HMCN2: variants seen among roughly 807,000 people sequenced by gnomAD.
HMCN2 encodes hemicentin 2, also known as hemicentin-2.
HMCN2 carries 325 observed loss-of-function variants against 377.5 expected under a neutral mutation model. The ratio of observed to expected loss-of-function variants is 0.86; its 90% confidence interval spans 0.79 to 0.94. HMCN2 has a LOEUF of 0.94. HMCN2 is among the 40% of genes least tolerant of loss of function. The pLI, the probability that HMCN2 is intolerant of heterozygous loss-of-function variation, is 0.00. For synonymous variants in HMCN2, 2,007 were observed against 2,046.8 expected, an observed-to-expected ratio of 0.98 and a Z score of 0.53; for missense variants, 4,543 against 4,725.3, an observed-to-expected ratio of 0.96 and a Z score of 1.13.
rs1840003397 is a variant in HMCN2, at chr9:130,355,947, C to T, written c.5255+93C>T. On this transcript the variant is annotated intron_variant, in intron 33 of 97. Coordinates refer to ENST00000683500, the MANE Select transcript of HMCN2 (RefSeq NM_001291815.2). Reference sequence around the variant, plus strand: ...GGGAAGTGGACAGGAGAGAGGCTTCCTGTTTCCAGGAGTAGGAAAGAGGCC... The same window carrying T: ...GGGAAGTGGACAGGAGAGAGGCTTCTTGTTTCCAGGAGTAGGAAAGAGGCC... 1.1e-5 allele frequency: 10 copies of T among 949,508 alleles called. No individual in the cohort carries two copies. In the South Asian group the frequency reaches 1.4e-4, roughly 13 times the overall value. 58.8% of individuals were successfully genotyped at this position (949,508 alleles called of 1,614,324 possible). A position where few individuals can be genotyped will look rare whatever the true frequency, so the allele number is the denominator to read the frequency against.
At chr9:130,395,146 G>GGTCGC in intron 70 of HMCN2, 38 bp downstream of exon 70, 1 of 1,219,876 alleles carries the variant, frequency 8.2e-7, no homozygotes, top group Non-Finnish European at 1.1e-6. Context: ...GGGCCGGGAG[G>GGTCGC]CAGGACGGGC....
Position 130,320,896 on chromosome 9 carries a change from G to C in HMCN2, c.2768G>C (p.Gly923Ala), listed in dbSNP as rs1439171722. The change falls in exon 18 of 98, where the codon GGC (glycine) becomes GCC (alanine). Residue 923 changes from glycine to alanine, a missense_variant. Physicochemically the swap from Gly to Ala is moderately conservative, Grantham distance 60. Coordinates refer to ENST00000683500, the MANE Select transcript of HMCN2 (RefSeq NM_001291815.2). ...PLPERHWLKD[G>A]RPLPPGSRHS... ...CCGGAAAGGCACTGGCTCAAGGACG[G>C]CCGGCCCGTGAGTGTCGGGCTCCTC... The C allele has an allele frequency of 3.3e-5, 5 of 152,336 alleles. No homozygotes were observed. The highest frequency in any genetic ancestry group is 3.3e-4 in the Admixed American group (5 of 15,286). 9.4% of individuals were successfully genotyped at this position (152,336 alleles called of 1,614,324 possible).
chr9:130,428,226 G>A lies in HMCN2; in HGVS notation c.14066-132G>A, dbSNP rs1475639043. On this transcript the variant is annotated intron_variant, in intron 92 of 97. Coordinates refer to ENST00000683500, the MANE Select transcript of HMCN2 (RefSeq NM_001291815.2). The surrounding 1 kb of genome is among the most constrained non-coding windows in gnomAD (Gnocchi z 5.0). ...GACAATGGAAAGAGCTAGCAGAAGG[G>A]GTGGGGACCTTCCTGCCAGTGGCTC... 2 of 1,050,470 alleles carry A rather than the reference G, an allele frequency of 1.9e-6. No homozygotes were observed. Among genetic ancestry groups the A allele is most frequent in the African/African-American group, 3.2e-5 (2 of 62,300 alleles). 65.1% of individuals were successfully genotyped at this position (1,050,470 alleles called of 1,614,324 possible). A position where few individuals can be genotyped will look rare whatever the true frequency, so the allele number is the denominator to read the frequency against.
At chr9:130,353,863 G>A (rs574870230) in intron 31 of HMCN2, among the ~76,000 whole-genome samples, 91 of 152,286 alleles carry the variant, frequency 6.0e-4, no homozygotes, top group African/African-American at 2.1e-3. Flanking sequence ...CCCCGGTGAA[G>A]TGTGAGAGGG....
chr9:130,269,801 T>TTG (rs1834318750), intron 1 of HMCN2, among the ~76,000 whole-genome samples: 1 of 147,442 alleles, frequency 6.8e-6, no homozygotes, highest in African/African-American at 2.4e-5. Flanking sequence ...TGTTTTTTTT[T>TTG]TTGTTGTTGT....
intron 22 of HMCN2, among the ~76,000 whole-genome samples, chr9:130,332,579 C>T (rs1025079005): frequency 3.3e-5 from 5 of 152,214 alleles, no homozygotes; most frequent in African/African-American, 1.2e-4. Flanking sequence ...GGCTTACGCT[C>T]TCCGGGCTCG....
chr9:130,372,691 G>A lies in HMCN2; in HGVS notation c.7351+284G>A, dbSNP rs555460079. ...TCAGGAAGCAGAGGCTGCAGTGATC[G>A]TGCCACTGCACTCCAGCCCAGGTGA... On this transcript the variant is annotated intron_variant, in intron 47 of 97. Transcript: ENST00000683500. Among the ~76,000 whole-genome samples, 44 of 152,286 alleles carry A rather than the reference G, an allele frequency of 2.9e-4. 1 individual carries two copies. In the East Asian group the frequency reaches 8.1e-3, roughly 28 times the overall value.
chr9:130,321,236 T>G (rs1390557304), intron 18 of HMCN2, among the ~76,000 whole-genome samples: 1 of 152,170 alleles, frequency 6.6e-6, no homozygotes, highest in Non-Finnish European at 1.5e-5. Flanking sequence ...CCGGTTCTTA[T>G]GATTCCAGAG....
chr9:130,377,828 G>A (rs1246101460), intron 53 of HMCN2, 29 bp downstream of exon 53: 1 of 985,814 alleles, frequency 1.0e-6, no homozygotes, highest in African/African-American at 1.7e-5. Context: ...CCAGGGGTGG[G>A]GCGTCAGCCA....
chr9:130,323,827 T>C (rs1293095979), intron 19 of HMCN2, among the ~76,000 whole-genome samples: 3 of 152,070 alleles, frequency 2.0e-5, no homozygotes, highest in Non-Finnish European at 4.4e-5. Context: ...CTCAGCCTCC[T>C]GAGTAGCTGG....
intron 4 of HMCN2, among the ~76,000 whole-genome samples, chr9:130,292,148 C>T (rs916905564): frequency 8.5e-5 from 13 of 152,156 alleles, no homozygotes; most frequent in African/African-American, 3.1e-4. Context: ...TGTTGTATCA[C>T]ACCGGGAGGC....
At chr9:130,392,746 C>CT (rs1006678627) in intron 66 of HMCN2, among the ~76,000 whole-genome samples, 6 of 151,946 alleles carry the variant, frequency 3.9e-5, no homozygotes, top group African/African-American at 1.2e-4. Flanking sequence ...GCCTGTAATC[C>CT]AGCACTTTGG....
Position 130,398,594 on chromosome 9 carries a change from C to T in HMCN2, c.11370C>T (p.Thr3790=), listed in dbSNP as rs560460419. ...IAPSPSNLTL[T]AHTPALLPCE... is the part of the protein sequence containing the mutation. ...CCAGCCCCTCCAACCTGACCCTGAC[C>T]GCCCACACCCCAGCCTTGCTGCCCT... Residue 3790 remains threonine, a synonymous_variant, in exon 75 of 98, where the codon ACC becomes ACT. Coordinates refer to ENST00000683500, the MANE Select transcript of HMCN2 (RefSeq NM_001291815.2). 1.9e-5 allele frequency: 24 copies of T among 1,277,986 alleles called. No individual in the cohort carries two copies. The highest frequency in any genetic ancestry group is 1.4e-4 in the African/African-American group (9 of 65,808). 79.2% of individuals were successfully genotyped at this position (1,277,986 alleles called of 1,614,324 possible). A position where few individuals can be genotyped will look rare whatever the true frequency, so the allele number is the denominator to read the frequency against.
In HMCN2 at chr9:130,394,100, C is replaced by T; in HGVS notation, c.10501+92C>T. ...GGGAAGGACAGTGAGGGAGGTGAGT[C>T]CCCTGGAGACCTGGGACTGCCACCT... On this transcript the variant is annotated intron_variant, in intron 68 of 97. Transcript: ENST00000683500. The surrounding 1 kb of genome is among the most constrained non-coding windows in gnomAD (Gnocchi z 5.1). The T allele has an allele frequency of 8.9e-7, 1 of 1,118,560 alleles. No individual in the cohort carries two copies. The highest frequency in any genetic ancestry group is 1.6e-5 in the South Asian group (1 of 63,088). 69.3% of individuals were successfully genotyped at this position (1,118,560 alleles called of 1,614,324 possible).
chr9:130,297,078 C>G (rs1836207334), intron 7 of HMCN2, among the ~76,000 whole-genome samples: 1 of 152,258 alleles, frequency 6.6e-6, no homozygotes, highest in Non-Finnish European at 1.5e-5. Context: ...GACACTTACA[C>G]TGTGCCCTTT....
rs969635710 is a variant in HMCN2 at position 130,400,601 on chromosome 9, T to C, written c.11606-182T>C. On this transcript the variant is annotated intron_variant, in intron 76 of 97. Transcript: ENST00000683500. ...ACTTTTTTTTTTAAAGAAAAAAAAC[T>C]ATAGCCCCGTGCCCAGAAGGATGTG... The C allele has an allele frequency of 5.1e-5, 13 of 252,468 alleles. No individual in the cohort carries two copies. The Admixed American group carries it at 7.2e-4, about 14-fold the overall frequency. The allele number at this position is 252,468 out of a possible 1,614,324, so 15.6% of individuals were successfully genotyped here.
chr9:130,270,440 A>T (rs868961763), intron 1 of HMCN2, among the ~76,000 whole-genome samples: 1 of 147,648 alleles, frequency 6.8e-6, no homozygotes, highest in Non-Finnish European at 1.5e-5. Context: ...AGTGGCTCAC[A>T]CTTGTAATGC....
intron 90 of HMCN2, among the ~76,000 whole-genome samples, chr9:130,426,660 C>G (rs1367245145): frequency 6.6e-6 from 1 of 152,218 alleles, no homozygotes; most frequent in African/African-American, 2.4e-5. Context: ...CCAAGCTTGT[C>G]CAACCCATGG....
At chr9:130,386,218 G>C (rs1002772918) in intron 60 of HMCN2, among the ~76,000 whole-genome samples, 4 of 152,222 alleles carry the variant, frequency 2.6e-5, no homozygotes, top group African/African-American at 7.2e-5. Flanking sequence ...GGCCCAGGGA[G>C]GGAGGTCCCC....
Sources: gnomAD v4.1 joint callset for allele counts (sites outside exome capture counted in the v4.1 genomes callset) on GRCh38, gnomAD v4.1.1 for gene constraint, Gnocchi (gnomAD v3.1) non-coding constraint, MANE v1.5 for transcripts, NCBI Gene and HGNC (gene_info 2026-07-23, HGNC 2026-07-21) for gene names.